GPATCH2L: variants seen among roughly 807,000 people sequenced by gnomAD.
The protein encoded by GPATCH2L is G patch domain-containing protein 2-like.
GPATCH2L carries 31 observed loss-of-function variants against 57.4 expected under a neutral mutation model. The observed-to-expected ratio is 0.54, with a 90% CI of 0.41 to 0.73. GPATCH2L has a LOEUF of 0.73. Among genes scored for constraint, GPATCH2L ranks in the 30% least tolerant of loss-of-function variants. The pLI, the probability that GPATCH2L is intolerant of heterozygous loss-of-function variation, is 0.00. For missense variants in GPATCH2L, 481 were observed against 599.9 expected (o/e 0.80, Z 2.07); for synonymous variants, 199 against 210.7 (o/e 0.94, Z 0.48).
At chr14:76,183,852 A>C (rs1425200669) in intron 8 of GPATCH2L, among the ~76,000 whole-genome samples, 1 of 152,188 alleles carries the variant, frequency 6.6e-6, no homozygotes, top group Non-Finnish European at 1.5e-5. Context: ...GCCTGGCACC[A>C]AGGAGGAGTG....
intron 2 of GPATCH2L, 44 bp downstream of exon 2, chr14:76,155,069 T>C: frequency 6.6e-7 from 1 of 1,523,682 alleles, no homozygotes; most frequent in Non-Finnish European, 8.9e-7. Flanking sequence ...TGGTTAATTT[T>C]TCCCAAAGTG....
chr14:76,223,384 C>T (rs117981934), intron 1 of GPATCH2L, among the ~76,000 whole-genome samples: 3,375 of 152,126 alleles, frequency 0.022, 75 homozygotes, highest in South Asian at 0.078. Context: ...TATCCACATG[C>T]GAAATAATGA....
chr14:76,162,503 C>CA (rs1183625465), intron 2 of GPATCH2L, among the ~76,000 whole-genome samples: 2 of 152,164 alleles, frequency 1.3e-5, no homozygotes, highest in Non-Finnish European at 2.9e-5. Flanking sequence ...AGAAGTACTA[C>CA]ACCGGGGTGT....
At chr14:76,194,696 G>A (rs2040092636) in intron 8 of GPATCH2L, among the ~76,000 whole-genome samples, 1 of 152,108 alleles carries the variant, frequency 6.6e-6, no homozygotes, top group Non-Finnish European at 1.5e-5. Context: ...TGGGACTACT[G>A]ATTAGGAGTT....
At chr14:76,227,238 A>G (rs190487040) in intron 1 of GPATCH2L, among the ~76,000 whole-genome samples, 2 of 152,174 alleles carry the variant, frequency 1.3e-5, no homozygotes, top group Admixed American at 6.5e-5. Context: ...TGGGATTCTG[A>G]CCCTGAGTCT....
rs575396196 is a variant in GPATCH2L, at chr14:76,222,385, TCA to T, written c.66-7422_66-7421del. 4.1e-4 allele frequency among the ~76,000 whole-genome samples: 62 copies of T among 152,238 alleles called. No homozygotes were observed. In the South Asian group the frequency reaches 0.011, roughly 27 times the overall value. Reference sequence around the variant, plus strand: ...TCTTTGGGAGGCCAGGGTGGATGGATCATTTAAGTCCAGGAGTTCAAGACCAG... The same window carrying T: ...TCTTTGGGAGGCCAGGGTGGATGGATTTTAAGTCCAGGAGTTCAAGACCAG... On this transcript the variant is annotated intron_variant and NMD_transcript_variant, in intron 1 of 3. Coordinates refer to the GPATCH2L transcript ENST00000556372.
chr14:76,193,786 C>G (rs886351009), intron 8 of GPATCH2L, among the ~76,000 whole-genome samples: 1 of 152,054 alleles, frequency 6.6e-6, no homozygotes, highest in Non-Finnish European at 1.5e-5. Context: ...TTCTGAAAAG[C>G]TTTGGAGGTT....
intron 2 of GPATCH2L, among the ~76,000 whole-genome samples, chr14:76,157,638 AT>A (rs1466299895): frequency 1.3e-5 from 2 of 151,058 alleles, no homozygotes; most frequent in East Asian, 3.9e-4. Flanking sequence ...GATGAAGTTG[AT>A]TGTTAAGCTT....
At chr14:76,186,757 TTCTC>T (rs989641896) in intron 8 of GPATCH2L, among the ~76,000 whole-genome samples, 4 of 152,198 alleles carry the variant, frequency 2.6e-5, no homozygotes, top group South Asian at 2.1e-4. Context: ...TGAAAGCATT[TTCTC>T]TCTCTCTGTT....
rs146415003 is a variant in GPATCH2L, at chr14:76,197,959, G to C, written c.1288+1987G>C. On this transcript the variant is annotated intron_variant, in intron 9 of 9. Transcript: ENST00000261530. ...TTTTCCCTTTTTCCCCTCCCCCAGT[G>C]GTAGAAAGTTTTGAGTTGCAATTGA... Among the ~76,000 whole-genome samples the C allele has an allele frequency of 4.6e-5, 7 of 152,176 alleles. No homozygotes were observed. The East Asian group carries it at 1.4e-3, about 29-fold the overall frequency.
rs995596971 is a variant in GPATCH2L, at chr14:76,205,860, C to G, written c.*4009C>G. 2.6e-5 allele frequency: 4 copies of G among 152,348 alleles called. No individual in the cohort carries two copies. Among genetic ancestry groups the G allele is most frequent in the Admixed American group, 6.5e-5 (1 of 15,280 alleles). 9.4% of individuals were successfully genotyped at this position (152,348 alleles called of 1,614,324 possible). On this transcript the variant is annotated 3_prime_UTR_variant, in exon 10 of 10. Transcript: ENST00000261530. ...TCTTTGTTTCATTTTGGCTTCATTA[C>G]TGTGATTCTGAGCCACACAGGTTTT...
At chr14:76,155,113 T>G (rs2038244355) in intron 2 of GPATCH2L, 88 bp downstream of exon 2, 2 of 1,037,702 alleles carry the variant, frequency 1.9e-6, no homozygotes, top group African/African-American at 3.2e-5. Context: ...CTACCTTCTT[T>G]CAAACCAGCC....
At chr14:76,176,931 C>G (rs2039353958) in intron 6 of GPATCH2L, among the ~76,000 whole-genome samples, 1 of 152,006 alleles carries the variant, frequency 6.6e-6, no homozygotes, top group South Asian at 2.1e-4. Context: ...TAGTAGCCTC[C>G]AGTAAAGATG....
chr14:76,213,098 C>A lies in GPATCH2L; in HGVS notation c.*11247C>A, dbSNP rs939967220. 2 of 151,462 alleles carry A rather than the reference C, an allele frequency of 1.3e-5. No individual in the cohort carries two copies. Among genetic ancestry groups the A allele is most frequent in the African/African-American group, 4.9e-5 (2 of 41,186 alleles). 9.4% of individuals were successfully genotyped at this position (151,462 alleles called of 1,614,324 possible). A position where few individuals can be genotyped will look rare whatever the true frequency, so the allele number is the denominator to read the frequency against. On this transcript the variant is annotated 3_prime_UTR_variant, in exon 10 of 10. Coordinates refer to ENST00000261530, the MANE Select transcript of GPATCH2L (RefSeq NM_017926.4). ...GGAAAAGGAATCTTTTAAAGGCAGGCTAAAAGAATCAAGAAAAATTAATTA... is the reference window on the plus strand; with the variant it reads ...GGAAAAGGAATCTTTTAAAGGCAGGATAAAAGAATCAAGAAAAATTAATTA...
intron 3 of GPATCH2L, chr14:76,170,534 A>C (rs2039037457): frequency 1.3e-5 from 2 of 152,096 alleles, no homozygotes; most frequent in South Asian, 4.2e-4. Flanking sequence ...AAAATGGTAT[A>C]ACTTATTGAA....
chr14:76,219,342 C>T (rs985367114), downstream of GPATCH2L, among the ~76,000 whole-genome samples: 2 of 152,068 alleles, frequency 1.3e-5, no homozygotes, highest in African/African-American at 4.8e-5. Flanking sequence ...GACTTTGAAG[C>T]ATACGAAAAT....
chr14:76,225,765 AAAAC>A (rs934863724), intron 1 of GPATCH2L, among the ~76,000 whole-genome samples: 3 of 152,230 alleles, frequency 2.0e-5, no homozygotes, highest in African/African-American at 7.2e-5. Flanking sequence ...CAAATCAATG[AAAAC>A]AAACAGATGA....
chr14:76,159,110 C>G (rs1007244624), intron 2 of GPATCH2L, among the ~76,000 whole-genome samples: 1 of 152,180 alleles, frequency 6.6e-6, no homozygotes, highest in African/African-American at 2.4e-5. Flanking sequence ...TGGGGGGATT[C>G]AAACATGGGC....
chr14:76,214,085 A>T lies in GPATCH2L; in HGVS notation c.*12234A>T, dbSNP rs939968733. 1.3e-5 allele frequency: 2 copies of T among 152,096 alleles called. No individual in the cohort carries two copies. The highest frequency in any genetic ancestry group is 6.5e-5 in the Admixed American group (1 of 15,270). 9.4% of individuals were successfully genotyped at this position (152,096 alleles called of 1,614,324 possible). A position where few individuals can be genotyped will look rare whatever the true frequency, so the allele number is the denominator to read the frequency against. On this transcript the variant is annotated 3_prime_UTR_variant, in exon 10 of 10. Transcript: ENST00000261530. ...GCTATTCATACATGTTTGTTTTTCC[A>T]TGTGAACTTTAGTATCAACTTGTCT...
Sources: allele counts gnomAD v4.1 joint callset (sites outside exome capture counted in the v4.1 genomes callset), GRCh38; gene constraint gnomAD v4.1.1; transcripts MANE v1.5; gene names NCBI Gene and HGNC (gene_info 2026-07-23, HGNC 2026-07-21).